INPP4B: variants seen among roughly 807,000 people sequenced by gnomAD.
INPP4B encodes the protein inositol polyphosphate-4-phosphatase type II B.
Under a neutral mutation model 122.5 loss-of-function variants are expected in INPP4B, and 55 were observed. The ratio of observed to expected loss-of-function variants is 0.45; its 90% CI spans 0.36 to 0.56. The LOEUF is 0.56. Ranked by LOEUF, INPP4B falls within the 20% of genes least tolerant of loss-of-function variation. The probability of loss-of-function intolerance (pLI) is 0.00; values close to 1 mark genes in which losing one functional copy is unlikely to be tolerated. For synonymous variants in INPP4B, 403 were observed against 388.7 expected (o/e 1.04, Z -0.43); for missense variants, 1,000 against 1,097.7 (o/e 0.91, Z 1.26).
chr4:142,056,002 G>A (rs974855953), intron 25 of INPP4B, among the ~76,000 whole-genome samples: 2 of 151,860 alleles, frequency 1.3e-5, no homozygotes, highest in African/African-American at 4.8e-5. Flanking sequence ...GACAGTGACA[G>A]ATCATCAGGC....
At chr4:142,407,500 C>G (rs1052330034) in intron 5 of INPP4B, among the ~76,000 whole-genome samples, 1 of 152,144 alleles carries the variant, frequency 6.6e-6, no homozygotes, top group Non-Finnish European at 1.5e-5. Context: ...GAGAAAATTT[C>G]TATTACACTG....
intron 2 of INPP4B, among the ~76,000 whole-genome samples, chr4:142,611,944 T>C (rs1423647235): frequency 2.0e-5 from 3 of 152,126 alleles, no homozygotes; most frequent in Non-Finnish European, 4.4e-5. Context: ...GCTGGGATTA[T>C]AGGCGTGAGC....
At chr4:142,311,146 C>T (rs553594608) in intron 8 of INPP4B, among the ~76,000 whole-genome samples, 8 of 152,202 alleles carry the variant, frequency 5.3e-5, no homozygotes, top group East Asian at 3.9e-4. Context: ...TTAAACTCTC[C>T]GATCTGTTTT....
intron 2 of INPP4B, among the ~76,000 whole-genome samples, chr4:142,718,064 T>C (rs1764031769): frequency 6.6e-6 from 1 of 151,852 alleles, no homozygotes; most frequent in Admixed American, 6.6e-5. Flanking sequence ...CGTATGCATA[T>C]GAGATCAACC....
intron 12 of INPP4B, among the ~76,000 whole-genome samples, chr4:142,223,214 ACT>A (rs1203780009): frequency 1.3e-5 from 2 of 151,242 alleles, no homozygotes; most frequent in East Asian, 3.9e-4. Flanking sequence ...ACACACACAC[ACT>A]CACACACACA....
chr4:142,742,028 T>C (rs1767974037), intron 1 of INPP4B, among the ~76,000 whole-genome samples: 1 of 151,992 alleles, frequency 6.6e-6, no homozygotes, highest in Admixed American at 6.6e-5. Flanking sequence ...ACCAAGAAGC[T>C]AGTAAAACAG....
At chr4:142,638,546 CTTTT>C (rs3080813) in intron 2 of INPP4B, among the ~76,000 whole-genome samples, 1 of 134,316 alleles carries the variant, frequency 7.4e-6, no homozygotes, top group African/African-American at 2.8e-5. Flanking sequence ...TGTCTATTCT[CTTTT>C]TTTTTTTTTT....
intron 3 of INPP4B, among the ~76,000 whole-genome samples, chr4:142,449,919 C>T (rs1332823778): frequency 6.6e-6 from 1 of 152,150 alleles, no homozygotes; most frequent in African/African-American, 2.4e-5. Context: ...GTCCTGGATT[C>T]TAGCCTAGGC....
chr4:142,448,357 C>T (rs1020060135), intron 3 of INPP4B, among the ~76,000 whole-genome samples: 5 of 147,052 alleles, frequency 3.4e-5, no homozygotes, highest in Admixed American at 6.7e-5. Context: ...AAAAAAACAC[C>T]GAGCAAGTCT....
intron 2 of INPP4B, among the ~76,000 whole-genome samples, chr4:142,684,253 C>T (rs139618079): frequency 4.6e-5 from 7 of 152,024 alleles, no homozygotes; most frequent in African/African-American, 4.8e-5. Context: ...TTTTATGAAA[C>T]GATACAAAAT....
intron 2 of INPP4B, among the ~76,000 whole-genome samples, chr4:142,692,451 A>G (rs1281155696): frequency 1.3e-5 from 2 of 152,204 alleles, no homozygotes; most frequent in African/African-American, 4.8e-5. Flanking sequence ...CTGTAACCCT[A>G]GCACTTTATG....
intron 1 of INPP4B, among the ~76,000 whole-genome samples, chr4:142,832,621 T>C (rs1196279588): frequency 2.0e-5 from 3 of 152,210 alleles, no homozygotes; most frequent in Non-Finnish European, 4.4e-5. Context: ...TTCTTTCCCA[T>C]CAATTGAAGC....
At chr4:142,233,469 T>A (rs1454459591) in intron 12 of INPP4B, among the ~76,000 whole-genome samples, 3 of 152,222 alleles carry the variant, frequency 2.0e-5, no homozygotes, top group Non-Finnish European at 4.4e-5. Context: ...TTTTGCTTAG[T>A]GGTTCTTCCA....
chr4:142,665,168 A>T (rs899338071), intron 2 of INPP4B, among the ~76,000 whole-genome samples: 2 of 152,170 alleles, frequency 1.3e-5, no homozygotes, highest in African/African-American at 4.8e-5. Context: ...ACCATACTTC[A>T]TATGCCTTTT....
At chr4:142,269,960 A>G (rs892277713) in intron 10 of INPP4B, among the ~76,000 whole-genome samples, 25 of 152,322 alleles carry the variant, frequency 1.6e-4, no homozygotes, top group African/African-American at 5.3e-4. Context: ...ATGTGCTTCA[A>G]TGGTCTCAAT....
intron 2 of INPP4B, among the ~76,000 whole-genome samples, chr4:142,671,850 A>C (rs1196007107): frequency 6.6e-6 from 1 of 152,270 alleles, no homozygotes; most frequent in East Asian, 1.9e-4. Flanking sequence ...TAATTGAGTA[A>C]CCACTAAATC....
intron 2 of INPP4B, among the ~76,000 whole-genome samples, chr4:142,713,571 A>G (rs1300899278): frequency 1.3e-5 from 2 of 152,244 alleles, no homozygotes; most frequent in African/African-American, 4.8e-5. Flanking sequence ...GTGATTGAAC[A>G]TTCTCTGAAA....
At chr4:142,038,288 T>C (rs944156488) in intron 25 of INPP4B, among the ~76,000 whole-genome samples, 2 of 152,156 alleles carry the variant, frequency 1.3e-5, no homozygotes, top group Non-Finnish European at 2.9e-5. Context: ...TATGTGGTCA[T>C]AGGATCCCCA....
chr4:142,646,020 T>A (rs1253647253), intron 2 of INPP4B, among the ~76,000 whole-genome samples: 2 of 152,182 alleles, frequency 1.3e-5, no homozygotes, highest in African/African-American at 4.8e-5. Flanking sequence ...AACAGAAACC[T>A]GATCAGTAGT....
Sources: allele counts gnomAD v4.1 joint callset (sites outside exome capture counted in the v4.1 genomes callset), GRCh38; gene constraint gnomAD v4.1.1; transcripts MANE v1.5; gene names NCBI Gene and HGNC (gene_info 2026-07-23, HGNC 2026-07-21).